Variants in EXT1 observed in about 807,000 individuals in gnomAD.
The protein encoded by EXT1 is exostosin glycosyltransferase 1.
A neutral mutation model predicts 82.5 loss-of-function variants in EXT1; 20 were observed. The ratio of observed to expected loss-of-function variants is 0.24; its 90% confidence interval spans 0.17 to 0.35. The LOEUF (loss-of-function observed/expected upper bound fraction) is 0.35, where lower values mean the gene tolerates loss of function less well. Among genes scored for constraint, EXT1 ranks in the 10% least tolerant of loss-of-function variants. The pLI, the probability that EXT1 is intolerant of heterozygous loss-of-function variation, is 1.00. For synonymous variants in EXT1, 348 were observed against 350.8 expected, an observed-to-expected ratio of 0.99 and a Z score of 0.09; for missense variants, 757 against 936.5, an observed-to-expected ratio of 0.81 and a Z score of 2.50.
intron 1 of EXT1, among the ~76,000 whole-genome samples, chr8:117,867,039 T>A (rs1382206066): frequency 6.6e-6 from 1 of 151,828 alleles, no homozygotes; most frequent in African/African-American, 2.4e-5. Context: ...GGTGGGTGGA[T>A]CGCGAGGTCA....
intron 7 of EXT1, among the ~76,000 whole-genome samples, chr8:117,817,777 G>A (rs1440899515): frequency 1.3e-5 from 2 of 152,182 alleles, no homozygotes; most frequent in African/African-American, 2.4e-5. Flanking sequence ...AAGATTGGAA[G>A]GCTGGCTAGG....
At chr8:117,928,867 G>A (rs1005005676) in intron 1 of EXT1, among the ~76,000 whole-genome samples, 10 of 151,720 alleles carry the variant, frequency 6.6e-5, no homozygotes, top group Non-Finnish European at 1.5e-4. Flanking sequence ...AAGTACTTAC[G>A]ACACCGATGA....
At chr8:117,829,326 C>T (rs1186530855) in intron 4 of EXT1, among the ~76,000 whole-genome samples, 12 of 152,128 alleles carry the variant, frequency 7.9e-5, no homozygotes, top group South Asian at 4.2e-4. Context: ...AACTTGAGGA[C>T]GGGCGCCCAT....
rs1009203922 is a variant in EXT1, at chr8:118,062,181, A to T, written c.962+47904T>A. ...GTCATTATGGTTTCTGCCTCTCAGC[A>T]GTCCTTCCCCGTTGACACAAACTCC... On this transcript the variant is annotated intron_variant, in intron 1 of 10. Coordinates refer to ENST00000378204, the MANE Select transcript of EXT1 (RefSeq NM_000127.3). Among the ~76,000 whole-genome samples, 7 of 152,332 alleles carry T rather than the reference A, an allele frequency of 4.6e-5. No homozygotes were observed. In the East Asian group the frequency reaches 1.2e-3, roughly 25 times the overall value.
chr8:117,831,510 C>A, intron 3 of EXT1: 1 of 458,294 alleles, frequency 2.2e-6, no homozygotes. Flanking sequence ...TCCCTATTTT[C>A]ACCTACAGTT....
At chr8:117,868,514 C>T (rs1563585511) in intron 1 of EXT1, among the ~76,000 whole-genome samples, 1 of 152,164 alleles carries the variant, frequency 6.6e-6, no homozygotes, top group Non-Finnish European at 1.5e-5. Context: ...TGGAGTGGCA[C>T]AATCATAGCT....
At chr8:117,994,649 A>G (rs1386765793) in intron 1 of EXT1, among the ~76,000 whole-genome samples, 1 of 152,176 alleles carries the variant, frequency 6.6e-6, no homozygotes, top group South Asian at 2.1e-4. Context: ...CTGAAGTCCT[A>G]TATTTAAAAG....
chr8:118,083,332 A>G (rs1388726224), intron 1 of EXT1, among the ~76,000 whole-genome samples: 3 of 152,230 alleles, frequency 2.0e-5, no homozygotes, highest in African/African-American at 7.2e-5. Context: ...TTTATGGAAG[A>G]CACTGTACTA....
chr8:117,906,482 A>G (rs1813546553), intron 1 of EXT1, among the ~76,000 whole-genome samples: 1 of 152,200 alleles, frequency 6.6e-6, no homozygotes, highest in Non-Finnish European at 1.5e-5. Flanking sequence ...AATCAATCTA[A>G]GTTGCCATCA....
In EXT1 at chr8:117,875,200, T is replaced by G. The variant is rs149457014; in HGVS notation, c.963-37999A>C. 1.4e-3 allele frequency among the ~76,000 whole-genome samples: 213 copies of G among 152,180 alleles called. 3 individuals carry two copies. The highest frequency in any genetic ancestry group is 4.7e-3 in the African/African-American group (196 of 41,530). The stretch of plus-strand genomic sequence containing the variant: ...GGGGGGCCAAGGCAGGCAGACCACT[T>G]GAGGTCAGGAGTTCGAGACCAGCCT... On this transcript the variant is annotated intron_variant, in intron 1 of 10. Coordinates refer to ENST00000378204, the MANE Select transcript of EXT1 (RefSeq NM_000127.3).
chr8:118,089,276 T>G (rs1392283807), intron 1 of EXT1, among the ~76,000 whole-genome samples: 2 of 152,104 alleles, frequency 1.3e-5, no homozygotes, highest in African/African-American at 4.8e-5. Context: ...GGGGTGAATA[T>G]ACAGAAAAAG....
chr8:117,900,932 G>T (rs1044653102), intron 1 of EXT1, among the ~76,000 whole-genome samples: 1 of 152,242 alleles, frequency 6.6e-6, no homozygotes, highest in East Asian at 1.9e-4. Context: ...CAAGCACTAA[G>T]AGCATTCTCC....
chr8:117,903,336 T>C (rs1363537614), intron 1 of EXT1, among the ~76,000 whole-genome samples: 2 of 152,208 alleles, frequency 1.3e-5, no homozygotes, highest in African/African-American at 4.8e-5. Flanking sequence ...TTTAGCTCCA[T>C]GGATTGCCCA....
chr8:117,979,340 C>T (rs1437529690), intron 1 of EXT1, among the ~76,000 whole-genome samples: 1 of 148,504 alleles, frequency 6.7e-6, no homozygotes, highest in Non-Finnish European at 1.5e-5. Context: ...GGCGACAGAG[C>T]AAGACTCTGT....
intron 4 of EXT1, among the ~76,000 whole-genome samples, chr8:117,824,193 C>T (rs1220762665): frequency 2.6e-5 from 4 of 151,974 alleles, no homozygotes; most frequent in Admixed American, 6.6e-5. Context: ...AATAAATTGA[C>T]AATAGACAGC....
At chr8:117,809,489 T>A (rs1006487801) in intron 8 of EXT1, among the ~76,000 whole-genome samples, 1 of 151,244 alleles carries the variant, frequency 6.6e-6, no homozygotes, top group African/African-American at 2.4e-5. Context: ...ATATAGAAAT[T>A]GGCTGGGCGT....
chr8:117,968,553 A>AT lies in EXT1; in HGVS notation c.963-131353dup, dbSNP rs1182180428. On this transcript the variant is annotated intron_variant, in intron 1 of 10. Coordinates refer to ENST00000378204, the MANE Select transcript of EXT1 (RefSeq NM_000127.3). Reference sequence around the variant, plus strand: ...TATTTATTTATTTATTTATTTATTTATTTTTTTTTTTTTTTTTTTTTTTTT... The same window carrying AT: ...TATTTATTTATTTATTTATTTATTTATTTTTTTTTTTTTTTTTTTTTTTTTT... Among the ~76,000 whole-genome samples the AT allele has an allele frequency of 2.0e-3, 19 of 9,294 alleles. 2 individuals carry two copies. The highest frequency in any genetic ancestry group is 2.6e-3 in the Admixed American group (1 of 392). The allele number at this position is 9,294 out of a possible 152,430, so 6.1% of individuals were successfully genotyped here. A position where few individuals can be genotyped will look rare whatever the true frequency, so the allele number is the denominator to read the frequency against.
chr8:117,924,206 G>A (rs915174983), intron 1 of EXT1, among the ~76,000 whole-genome samples: 1 of 152,176 alleles, frequency 6.6e-6, no homozygotes, highest in South Asian at 2.1e-4. Flanking sequence ...CACTGTACTA[G>A]GGAAATATTT....
chr8:118,083,821 A>G (rs1817373966), intron 1 of EXT1, among the ~76,000 whole-genome samples: 1 of 152,012 alleles, frequency 6.6e-6, no homozygotes, highest in Non-Finnish European at 1.5e-5. Context: ...TGGGGTCAGG[A>G]GTTCGAGACC....
Sources: allele counts gnomAD v4.1 joint callset (sites outside exome capture counted in the v4.1 genomes callset), GRCh38; gene constraint gnomAD v4.1.1; transcripts MANE v1.5; gene names NCBI Gene and HGNC (gene_info 2026-07-23, HGNC 2026-07-21).